Variants in SEC16A observed in about 807,000 individuals in gnomAD.
SEC16A encodes SEC16 homolog A, endoplasmic reticulum export factor.
SEC16A carries 110 observed loss-of-function variants against 221.9 expected under a neutral mutation model. The observed-to-expected ratio is 0.50, with a 90% confidence interval of 0.42 to 0.58. The LOEUF is 0.58. SEC16A is among the 20% of genes least tolerant of loss of function. The pLI is 0.00. For missense variants in SEC16A, 3,165 were observed against 3,097.8 expected (o/e 1.02, Z -0.52); for synonymous variants, 1,393 against 1,257.7 (o/e 1.11, Z -2.28).
chr9:136,463,887 G>A lies in SEC16A; in HGVS notation c.4447-147C>T, dbSNP rs567160639. On this transcript the variant is annotated intron_variant, in intron 9 of 31. Coordinates refer to ENST00000684901, the MANE Select transcript of SEC16A (RefSeq NM_014866.2). ...CCCCACAGCAGGTGAAGGCTCTGTC[G>A]AGGCTGTTACATGGAACATGGCCTG... 2.7e-5 allele frequency: 22 copies of A among 800,254 alleles called. No homozygotes were observed. In the East Asian group the frequency reaches 4.1e-4, roughly 15 times the overall value. The allele number at this position is 800,254 out of a possible 1,614,324, so 49.6% of individuals were successfully genotyped here. A position where few individuals can be genotyped will look rare whatever the true frequency, so the allele number is the denominator to read the frequency against.
intron 8 of SEC16A, 30 bp downstream of exon 8, chr9:136,465,932 C>T (rs750356899): frequency 6.9e-6 from 11 of 1,593,770 alleles, no homozygotes; most frequent in Admixed American, 5.2e-5. Context: ...TGGGGTTAGC[C>T]GGTATCCCTC....
chr9:136,469,793 C>T (rs551957131), intron 4 of SEC16A, among the ~76,000 whole-genome samples: 14 of 152,368 alleles, frequency 9.2e-5, no homozygotes, highest in Non-Finnish European at 1.6e-4. Context: ...GTTGGCTGCT[C>T]GGTTGGCGCA....
In SEC16A at chr9:136,474,904, T is replaced by A; in HGVS notation, c.2712A>T (p.Gln904His). ...CACCAGAACCTTGTGGAAAATTACT[T>A]TGGGCAACACTGCTAGGCAGAGACA... ...LSLSLPSSVA[Q>H]SNFPQGSGAS... Residue 904 changes from glutamine to histidine, a missense_variant, in exon 3 of 32, where the codon CAA (glutamine) becomes CAT (histidine). Gln to His is a conservative substitution (Grantham distance 24, BLOSUM62 0). This residue lies in a region of SEC16A where 2,030 missense variants were observed against 1,923.1 expected (regional missense o/e 1.06). Coordinates refer to ENST00000684901, the MANE Select transcript of SEC16A (RefSeq NM_014866.2). The A allele has an allele frequency of 6.2e-7, 1 of 1,613,872 alleles. No homozygotes were observed. The highest frequency in any genetic ancestry group is 8.5e-7 in the Non-Finnish European group (1 of 1,179,880).
At position 136,459,559 on chromosome 9, in the gene SEC16A, C is replaced by A; in HGVS notation, c.5192-4G>T. ...GCATCCAAGAGGCCCCTTGAAGCTG[C>A]GGAGAGACGACACGACACACGGCGG... On this transcript the variant is annotated splice_polypyrimidine_tract_variant and splice_region_variant and intron_variant, in intron 15 of 31. Coordinates refer to ENST00000684901, the MANE Select transcript of SEC16A (RefSeq NM_014866.2). This position sits in a 1 kb window ranked among gnomAD's most constrained non-coding sequence, Gnocchi z 6.1. 1 of 1,584,412 alleles carries A rather than the reference C, an allele frequency of 6.3e-7. No individual in the cohort carries two copies. Among genetic ancestry groups the A allele is most frequent in the East Asian group, 2.3e-5 (1 of 43,608 alleles).
intron 4 of SEC16A, among the ~76,000 whole-genome samples, chr9:136,470,578 T>C (rs1275708902): frequency 6.6e-6 from 1 of 152,206 alleles, no homozygotes; most frequent in East Asian, 1.9e-4. Flanking sequence ...CTGGGAATTT[T>C]CTCACAATTA....
Position 136,466,260 on chromosome 9 carries a change from G to A in SEC16A, c.4128+4C>T, listed in dbSNP as rs1840141923. The stretch of plus-strand genomic sequence containing the variant: ...CCGCGTGTCTGTGAGGCGCCGCCGC[G>A]TACCTGGTGCGAGTGGGAGCTGAGG... On this transcript the variant is annotated splice_donor_region_variant and intron_variant, in intron 7 of 31. Coordinates refer to ENST00000684901, the MANE Select transcript of SEC16A (RefSeq NM_014866.2). The surrounding 1 kb of genome is among the most constrained non-coding windows in gnomAD (Gnocchi z 5.5). 5.7e-6 allele frequency: 9 copies of A among 1,583,784 alleles called. No individual in the cohort carries two copies. Among genetic ancestry groups the A allele is most frequent in the South Asian group, 2.3e-5 (2 of 88,692 alleles).
At chr9:136,457,968 A>AT (rs937764944) in intron 17 of SEC16A, among the ~76,000 whole-genome samples, 6 of 151,178 alleles carry the variant, frequency 4.0e-5, no homozygotes, top group Admixed American at 1.3e-4. Context: ...ATTCTTTTTT[A>AT]TTTTTTTTGA....
chr9:136,445,049 T>C lies in SEC16A; in HGVS notation c.6927+3A>G, dbSNP rs1395664250. 6.2e-7 allele frequency: 1 copy of C among 1,604,742 alleles called. No homozygotes were observed. Among genetic ancestry groups the C allele is most frequent in the Non-Finnish European group, 8.5e-7 (1 of 1,175,968 alleles). ...GTTAGTGAGGACCACCAGCCGCAGGTACCTGATTAAAATGCTGGCTCACTT... is the reference window on the plus strand; with the variant it reads ...GTTAGTGAGGACCACCAGCCGCAGGCACCTGATTAAAATGCTGGCTCACTT... On this transcript the variant is annotated splice_donor_region_variant and intron_variant, in intron 30 of 31. Coordinates refer to ENST00000684901, the MANE Select transcript of SEC16A (RefSeq NM_014866.2).
rs578015081 is a variant in SEC16A at position 136,450,541 on chromosome 9, G to GT, written c.6312+714dup. ...ACTGCCCCAAAAGAGTGGTGAGATG[G>GT]TAACAGGGACACGAGAAGGTGCCCA... On this transcript the variant is annotated intron_variant, in intron 23 of 31. Transcript: ENST00000684901. 2.9e-4 allele frequency among the ~76,000 whole-genome samples: 44 copies of GT among 152,270 alleles called. 1 individual carries two copies. The highest frequency in any genetic ancestry group is 1.0e-3 in the African/African-American group (42 of 41,552).
chr9:136,463,196 C>T, intron 11 of SEC16A, 64 bp from the exon 12 acceptor site: 2 of 1,580,824 alleles, frequency 1.3e-6, no homozygotes, highest in East Asian at 4.5e-5. Context: ...CGTTGGACCA[C>T]CACAGGCACA....
rs562760503 is a variant in SEC16A, at chr9:136,476,197, A to C, written c.1419T>G (p.Ser473Arg). 1.1e-4 allele frequency: 175 copies of C among 1,613,838 alleles called. 1 individual carries two copies. In the South Asian group the frequency reaches 1.8e-3, roughly 17 times the overall value. Residue 473 changes from serine to arginine, a missense_variant, in exon 3 of 32, where the codon AGT becomes AGG. Ser to Arg is a moderately radical substitution (Grantham distance 110). Coordinates refer to ENST00000684901, the MANE Select transcript of SEC16A (RefSeq NM_014866.2). The part of the protein sequence containing the change: ...EFVQNQEVLP[S>R]EPLNLDPSSP... ...AGGAAGGGTCCAAATTGAGGGGCTC[A>C]CTTGGCAGAACTTCTTGATTCTGAA...
At chr9:136,464,043 G>A (rs1839841046) in intron 9 of SEC16A, among the ~76,000 whole-genome samples, 1 of 152,204 alleles carries the variant, frequency 6.6e-6, no homozygotes, top group South Asian at 2.1e-4. Context: ...GCGCATGCCA[G>A]CCCCCGTCAC....
At chr9:136,446,368 C>T (rs896172936) in intron 28 of SEC16A, among the ~76,000 whole-genome samples, 4 of 151,740 alleles carry the variant, frequency 2.6e-5, no homozygotes, top group African/African-American at 9.7e-5. Flanking sequence ...CTCAGCCTCC[C>T]AAAGAGCTGG....
intron 22 of SEC16A, among the ~76,000 whole-genome samples, chr9:136,452,803 T>C (rs916813069): frequency 7.8e-6 from 1 of 128,756 alleles, no homozygotes; most frequent in Non-Finnish European, 1.6e-5. Flanking sequence ...CCAGGCTTGG[T>C]GGATCACACC....
intron 1 of SEC16A, among the ~76,000 whole-genome samples, chr9:136,480,817 G>C (rs1021900768): frequency 2.0e-5 from 3 of 152,042 alleles, no homozygotes; most frequent in Non-Finnish European, 4.4e-5. Context: ...GTAAACCTGG[G>C]AGGCGGAGCT....
chr9:136,459,981 C>A lies in SEC16A; in HGVS notation c.5073+61G>T. The A allele has an allele frequency of 6.5e-7, 1 of 1,546,950 alleles. No individual in the cohort carries two copies. Among genetic ancestry groups the A allele is most frequent in the East Asian group, 2.4e-5 (1 of 42,384 alleles). On this transcript the variant is annotated intron_variant, in intron 14 of 31. Coordinates refer to ENST00000684901, the MANE Select transcript of SEC16A (RefSeq NM_014866.2). The surrounding 1 kb of genome is among the most constrained non-coding windows in gnomAD (Gnocchi z 6.1). ...ACCTCACGGCCTGTGACAGCGTCAC[C>A]CACGAGCAAACTCCACACAGGCAGT...
intron 22 of SEC16A, among the ~76,000 whole-genome samples, chr9:136,452,769 GAAAAAAAAAAA>G (rs35228326): frequency 1.3e-5 from 1 of 77,942 alleles, no homozygotes; most frequent in Non-Finnish European, 2.4e-5. Flanking sequence ...ATGTCTTAGG[GAAAAAAAAAAA>G]AAAAAAAAAA....
Position 136,454,122 on chromosome 9 carries a change from C to T in SEC16A, c.6063G>A (p.Arg2021=). 1 of 1,551,354 alleles carries T rather than the reference C, an allele frequency of 6.4e-7. No homozygotes were observed. The highest frequency in any genetic ancestry group is 1.4e-5 in the African/African-American group (1 of 73,212). Residue 2021 remains arginine, a synonymous_variant, in exon 21 of 32, where the codon AGG becomes AGA. Coordinates refer to ENST00000684901, the MANE Select transcript of SEC16A (RefSeq NM_014866.2). ...CTGCAGCCCCACCTGGGTCTGGGCTCCTGGCTTCCTGGAGCAAGTGTCTCC... is the reference window on the plus strand; with the variant it reads ...CTGCAGCCCCACCTGGGTCTGGGCTTCTGGCTTCCTGGAGCAAGTGTCTCC... ...QERRHLLQEA[R]SPDPGIVPQE...
At chr9:136,469,973 T>C (rs2132654676) in intron 4 of SEC16A, among the ~76,000 whole-genome samples, 1 of 152,356 alleles carries the variant, frequency 6.6e-6, no homozygotes, top group South Asian at 2.1e-4. Flanking sequence ...GGAGCCGCCG[T>C]GTCCTCAGCC....
Sources: gnomAD v4.1 joint callset for allele counts (sites outside exome capture counted in the v4.1 genomes callset) on GRCh38, gnomAD v4.1.1 for gene constraint, gnomAD v4.1.1 regional missense constraint, Gnocchi (gnomAD v3.1) non-coding constraint, MANE v1.5 for transcripts, NCBI Gene and HGNC (gene_info 2026-07-23, HGNC 2026-07-21) for gene names.